CYP3A43: variants seen among roughly 807,000 people sequenced by gnomAD.
The protein encoded by CYP3A43 is cytochrome P450 family 3 subfamily A member 43.
In CYP3A43, 45 loss-of-function variants were observed where a neutral mutation model predicts 58.0. The observed-to-expected ratio is 0.78, with a 90% CI of 0.61 to 0.99. The LOEUF (loss-of-function observed/expected upper bound fraction) is 0.99. Among genes scored for constraint, CYP3A43 ranks in the 50% least tolerant of loss-of-function variants. The pLI, the probability that CYP3A43 is intolerant of heterozygous loss-of-function variation, is 0.00. For synonymous variants in CYP3A43, 191 were observed against 201.4 expected, an observed-to-expected ratio of 0.95 and a Z score of 0.44; for missense variants, 593 against 591.9, an observed-to-expected ratio of 1.00 and a Z score of -0.02.
rs1313617281 is a variant in CYP3A43, at chr7:99,861,964, A to G, written c.1253+125A>G. The G allele has an allele frequency of 1.4e-5, 11 of 790,630 alleles. No individual in the cohort carries two copies. In the East Asian group the frequency reaches 2.6e-4, roughly 19 times the overall value. The allele number at this position is 790,630 out of a possible 1,614,324, so 49.0% of individuals were successfully genotyped here. Reference sequence around the variant, plus strand: ...TTCATTTTGGAAGTTTTTTATTACAAAATGATAACTGTTAAACTTTACAAA... The same window carrying G: ...TTCATTTTGGAAGTTTTTTATTACAGAATGATAACTGTTAAACTTTACAAA... On this transcript the variant is annotated intron_variant, in intron 11 of 12. Transcript: ENST00000354829.
Position 99,844,236 on chromosome 7 carries a change from C to T in CYP3A43, c.312C>T (p.Asn104=), listed in dbSNP as rs754469265. The T allele has an allele frequency of 1.9e-6, 3 of 1,613,022 alleles. No individual in the cohort carries two copies. In the South Asian group the frequency reaches 3.3e-5, roughly 18 times the overall value. Residue 104 remains asparagine (N), a synonymous_variant, in exon 4 of 13, where the codon AAC becomes AAT. Transcript: ENST00000354829. ...AAGAATGTTACTCTGTCTTCACAAA[C>T]CAGATGGTAGGCCTATATTTTCAAA... ...LVKECYSVFT[N]QMPLGPMGFL... is the part of the protein sequence containing the mutation.
intron 3 of CYP3A43, among the ~76,000 whole-genome samples, chr7:99,842,604 GA>G (rs4646471): frequency 4.6e-5 from 7 of 150,946 alleles, no homozygotes; most frequent in Non-Finnish European, 7.4e-5. Flanking sequence ...GGTCCTTTAT[GA>G]AAAAAAAAGT....
At chr7:99,839,444 C>G in intron 3 of CYP3A43, 2 of 635,554 alleles carry the variant, frequency 3.1e-6, no homozygotes, top group Non-Finnish European at 5.8e-6. Context: ...AAGGGAAAAT[C>G]GAGCTTGAGA....
In CYP3A43 at chr7:99,844,545, A is replaced by C. The variant is rs117077404; in HGVS notation, c.318+303A>C. ...TACCCATGTGTATAATTGCATGACT[A>C]TCAGCACAATATGTACAGATCTGTT... On this transcript the variant is annotated intron_variant, in intron 4 of 12. Coordinates refer to ENST00000354829, the MANE Select transcript of CYP3A43 (RefSeq NM_057095.3). 2.0e-4 allele frequency among the ~76,000 whole-genome samples: 30 copies of C among 152,268 alleles called. No individual in the cohort carries two copies. The East Asian group carries it at 5.6e-3, about 28-fold the overall frequency.
intron 1 of CYP3A43, among the ~76,000 whole-genome samples, chr7:99,829,561 T>C (rs1816759715): frequency 6.6e-6 from 1 of 152,158 alleles, no homozygotes; most frequent in South Asian, 2.1e-4. Context: ...TAAGGAGCTA[T>C]AGGAGAGAAA....
At chr7:99,854,141 TC>T (rs1817877868) in intron 7 of CYP3A43, among the ~76,000 whole-genome samples, 2 of 152,090 alleles carry the variant, frequency 1.3e-5, no homozygotes, top group South Asian at 4.1e-4. Flanking sequence ...CCTTTTATTA[TC>T]CTTACCTCCC....
At chr7:99,855,456 C>A in intron 7 of CYP3A43, 135 bp from the exon 8 acceptor site, 1 of 1,180,644 alleles carries the variant, frequency 8.5e-7, no homozygotes, top group Non-Finnish European at 1.1e-6. Flanking sequence ...GGAAGAGGGG[C>A]AAAGGTCATA....
chr7:99,854,736 G>A (rs987022328), intron 7 of CYP3A43, among the ~76,000 whole-genome samples: 12 of 152,082 alleles, frequency 7.9e-5, no homozygotes, highest in East Asian at 1.9e-4. Context: ...CATCCCATAC[G>A]CTTTGGCATA....
At chr7:99,857,073 C>T (rs1445659194) in intron 9 of CYP3A43, among the ~76,000 whole-genome samples, 174 bp downstream of exon 9, 1 of 152,184 alleles carries the variant, frequency 6.6e-6, no homozygotes, top group East Asian at 1.9e-4. Context: ...AGCACACAGG[C>T]ATAGCCACAT....
At chr7:99,844,037 A>C (rs895463426) in intron 3 of CYP3A43, 106 bp from the exon 4 acceptor site, 1 of 836,374 alleles carries the variant, frequency 1.2e-6, no homozygotes, top group African/African-American at 1.7e-5. Flanking sequence ...CACAACTGCA[A>C]GTATGGATGA....
intron 2 of CYP3A43, 110 bp downstream of exon 2, chr7:99,836,656 T>C: frequency 2.6e-6 from 2 of 772,626 alleles, no homozygotes; most frequent in Admixed American, 3.0e-5. Context: ...TTTTACACTT[T>C]CAGAAATGGT....
At chr7:99,865,064 G>A (rs1818391776) in intron 12 of CYP3A43, among the ~76,000 whole-genome samples, 1 of 148,442 alleles carries the variant, frequency 6.7e-6, no homozygotes, top group Non-Finnish European at 1.5e-5. Flanking sequence ...TGGCTTTAGG[G>A]AAGCTGTACA....
rs182817331 is a variant in CYP3A43, at chr7:99,844,756, G to A, written c.318+514G>A. Reference sequence around the variant, plus strand: ...AATTATTCTCCAAGCACACTTTGTCGCTGGTGTTTTTTCTAAAAGTTATAT... The same window carrying A: ...AATTATTCTCCAAGCACACTTTGTCACTGGTGTTTTTTCTAAAAGTTATAT... On this transcript the variant is annotated intron_variant, in intron 4 of 12. Coordinates refer to ENST00000354829, the MANE Select transcript of CYP3A43 (RefSeq NM_057095.3). Among the ~76,000 whole-genome samples the A allele has an allele frequency of 1.4e-3, 220 of 152,028 alleles. 1 individual carries two copies. The highest frequency in any genetic ancestry group is 5.1e-3 in the African/African-American group (210 of 41,442).
chr7:99,839,123 C>T lies in CYP3A43; in HGVS notation c.169C>T (p.Leu57Phe). The T allele has an allele frequency of 6.2e-7, 1 of 1,614,030 alleles. No individual in the cohort carries two copies. ...LGTILFYLRGLWNFDRECNEK... is the reference protein window; with the variant it reads ...LGTILFYLRGFWNFDRECNEK... ...TGTATTTTGTTTCTTCTGCCAGGGT[C>T]TTTGGAATTTTGACAGAGAATGTAA... is the stretch of plus-strand genomic sequence containing the variant. Residue 57 changes from leucine (L) to phenylalanine (F), a missense_variant, in exon 3 of 13, where the codon CTT becomes TTT. Leu to Phe is a conservative substitution (Grantham distance 22). Coordinates refer to ENST00000354829, the MANE Select transcript of CYP3A43 (RefSeq NM_057095.3).
rs1406473616 is a variant in CYP3A43, at chr7:99,844,215, A to G, written c.291A>G (p.Glu97=). The G allele has an allele frequency of 6.2e-7, 1 of 1,614,022 alleles. No homozygotes were observed. The highest frequency in any genetic ancestry group is 1.1e-5 in the South Asian group (1 of 90,988). The change falls in exon 4 of 13, where the codon GAA becomes GAG. Residue 97 remains glutamate (E), a synonymous_variant. Coordinates refer to ENST00000354829, the MANE Select transcript of CYP3A43 (RefSeq NM_057095.3). The part of the protein sequence containing the change: ...PDMIKTVLVK[E]CYSVFTNQMP... ...TGATCAAAACAGTGTTAGTGAAAGA[A>G]TGTTACTCTGTCTTCACAAACCAGA...
intron 2 of CYP3A43, among the ~76,000 whole-genome samples, chr7:99,836,760 A>G (rs909694575): frequency 6.6e-6 from 1 of 152,154 alleles, no homozygotes; most frequent in Non-Finnish European, 1.5e-5. Flanking sequence ...CACGGCACAG[A>G]TATCTGGGGG....
At chr7:99,856,732 G>A (rs1817994433) in intron 8 of CYP3A43, 101 bp from the exon 9 acceptor site, 1 of 1,210,808 alleles carries the variant, frequency 8.3e-7, no homozygotes, top group Non-Finnish European at 1.2e-6. Context: ...TGAACTTAAA[G>A]AGAGCATATT....
At chr7:99,855,765 A>G in intron 8 of CYP3A43, 47 bp downstream of exon 8, 1 of 1,544,644 alleles carries the variant, frequency 6.5e-7, no homozygotes, top group Admixed American at 2.1e-5. Context: ...TTTTTATTAT[A>G]TTTTTGGGCT....
In CYP3A43 at chr7:99,847,516, G is replaced by A. The variant is rs770721537; in HGVS notation, c.347G>A (p.Ser116Asn). ...MPLGPMGFLK[S>N]ALSFAEDEEW... ...TTAGGTCCAATGGGATTTCTGAAAA[G>A]TGCCTTAAGTTTTGCTGAAGATGAA... Residue 116 changes from serine to asparagine, a missense_variant, in exon 5 of 13, where the codon AGT becomes AAT. Transcript: ENST00000354829. 1 of 1,613,952 alleles carries A rather than the reference G, an allele frequency of 6.2e-7. No individual in the cohort carries two copies. The highest frequency in any genetic ancestry group is 1.1e-5 in the South Asian group (1 of 91,066).
Sources: allele counts gnomAD v4.1 joint callset (sites outside exome capture counted in the v4.1 genomes callset), GRCh38; gene constraint gnomAD v4.1.1; transcripts MANE v1.5; gene names NCBI Gene and HGNC (gene_info 2026-07-23, HGNC 2026-07-21).